Variants in PLEKHA6 observed in about 807,000 individuals in gnomAD.
PLEKHA6 encodes the protein pleckstrin homology domain containing A6.
A neutral mutation model predicts 116.7 loss-of-function variants in PLEKHA6; 60 were observed. The observed-to-expected ratio is 0.51, with a 90% CI of 0.42 to 0.64. The LOEUF (loss-of-function observed/expected upper bound fraction) is 0.64, where lower values mean the gene tolerates loss of function less well. Among genes scored for constraint, PLEKHA6 ranks in the 30% least tolerant of loss-of-function variants. The pLI is 0.00. For synonymous variants in PLEKHA6, 489 were observed against 556.1 expected, an observed-to-expected ratio of 0.88 and a Z score of 1.70; for missense variants, 1,338 against 1,422.7, an observed-to-expected ratio of 0.94 and a Z score of 0.96.
At chr1:204,240,447 C>A (rs555234581) in intron 17 of PLEKHA6, among the ~76,000 whole-genome samples, 98 of 152,342 alleles carry the variant, frequency 6.4e-4, no homozygotes, top group Middle Eastern at 3.4e-3. Flanking sequence ...ATGAGTATTT[C>A]CTCCTTCTTT....
At chr1:204,336,903 C>A (rs895483197) in intron 1 of PLEKHA6, among the ~76,000 whole-genome samples, 1 of 152,212 alleles carries the variant, frequency 6.6e-6, no homozygotes, top group Non-Finnish European at 1.5e-5. Context: ...TCCTCCAAGG[C>A]TCTGGCAGGG....
chr1:204,297,932 C>T lies in PLEKHA6; in HGVS notation c.-94-23123G>A, dbSNP rs185355464. ...CTTGATCTAGGACCCCTTTGCTGTC[C>T]TCCCCCTACTCCTCATATCTCTCCC... On this transcript the variant is annotated intron_variant, in intron 1 of 22. Transcript: ENST00000272203. 7.6e-5 allele frequency: 75 copies of T among 980,682 alleles called. No homozygotes were observed. In the African/African-American group the frequency reaches 1.3e-3, roughly 17 times the overall value. The allele number at this position is 980,682 out of a possible 1,614,324, so 60.7% of individuals were successfully genotyped here. A position where few individuals can be genotyped will look rare whatever the true frequency, so the allele number is the denominator to read the frequency against.
At chr1:204,276,784 C>T (rs1011080100) in intron 1 of PLEKHA6, among the ~76,000 whole-genome samples, 1 of 152,130 alleles carries the variant, frequency 6.6e-6, no homozygotes, top group Non-Finnish European at 1.5e-5. Context: ...CTACAAATGA[C>T]GTCCTCATTC....
chr1:204,344,962 CT>C (rs2103331647), intron 1 of PLEKHA6, among the ~76,000 whole-genome samples: 1 of 152,286 alleles, frequency 6.6e-6, no homozygotes, highest in Admixed American at 6.5e-5. Flanking sequence ...TATGTCACCC[CT>C]GCCCCAAGCA....
rs748511484 is a variant in PLEKHA6 at position 204,221,697 on chromosome 1, G to A, written c.*1091C>T. ...GCTGACCACACCCTACATAAGACAA[G>A]TCCTTCTCTCTGCCCCTTACCCCAG... is the stretch of plus-strand genomic sequence containing the variant. On this transcript the variant is annotated 3_prime_UTR_variant, in exon 23 of 23. Coordinates refer to ENST00000272203, the MANE Select transcript of PLEKHA6 (RefSeq NM_014935.5). 6.6e-6 allele frequency: 1 copy of A among 152,430 alleles called. No homozygotes were observed. The highest frequency in any genetic ancestry group is 2.4e-5 in the African/African-American group (1 of 41,448). The allele number at this position is 152,430 out of a possible 1,614,324, so 9.4% of individuals were successfully genotyped here. A position where few individuals can be genotyped will look rare whatever the true frequency, so the allele number is the denominator to read the frequency against.
Position 204,259,852 on chromosome 1 carries a change from T to C in PLEKHA6, c.525-112A>G. On this transcript the variant is annotated intron_variant, in intron 7 of 22. Transcript: ENST00000272203. This position sits in a 1 kb window ranked among gnomAD's most constrained non-coding sequence, Gnocchi z 4.6. ...GGGGAAGGATGGGCAGGGAGGTGGCTGGAACCAGGATTCTATGAACTCCAG... is the reference window on the plus strand; with the variant it reads ...GGGGAAGGATGGGCAGGGAGGTGGCCGGAACCAGGATTCTATGAACTCCAG... 8.7e-7 allele frequency: 1 copy of C among 1,154,526 alleles called. No homozygotes were observed. 71.5% of individuals were successfully genotyped at this position (1,154,526 alleles called of 1,614,324 possible).
In PLEKHA6 at chr1:204,261,930, A is replaced by G. The variant is rs1666170663; in HGVS notation, c.382-482T>C. 5.4e-6 allele frequency: 1 copy of G among 183,702 alleles called. No individual in the cohort carries two copies. The highest frequency in any genetic ancestry group is 1.1e-5 in the Non-Finnish European group (1 of 88,890). The allele number at this position is 183,702 out of a possible 1,614,324, so 11.4% of individuals were successfully genotyped here. A position where few individuals can be genotyped will look rare whatever the true frequency, so the allele number is the denominator to read the frequency against. On this transcript the variant is annotated intron_variant, in intron 6 of 22. Coordinates refer to ENST00000272203, the MANE Select transcript of PLEKHA6 (RefSeq NM_014935.5). This position sits in a 1 kb window ranked among gnomAD's most constrained non-coding sequence, Gnocchi z 4.0. ...GCCCCTCTCTGCAGGCATGCAAAGC[A>G]GGCACTGGCATACAGATGGGGCACA...
At chr1:204,360,555 C>T (rs1572231393), upstream of PLEKHA6, among the ~76,000 whole-genome samples, 1 of 152,154 alleles carries the variant, frequency 6.6e-6, no homozygotes, top group Non-Finnish European at 1.5e-5. Context: ...CTGTTCCTTC[C>T]GTTGCACATT....
At chr1:204,286,605 G>A (rs558235156) in intron 1 of PLEKHA6, among the ~76,000 whole-genome samples, 6 of 152,108 alleles carry the variant, frequency 3.9e-5, no homozygotes, top group African/African-American at 9.7e-5. Flanking sequence ...CACAATTTGC[G>A]GGCCCCTTGT....
chr1:204,257,526 G>A lies in PLEKHA6; in HGVS notation c.1351C>T (p.Pro451Ser). ...SSSLRRLSLQ[P>S]RSHSVPRSPS... is the part of the protein sequence containing the mutation. Reference sequence around the variant, plus strand: ...GAGCGGGGCACAGAGTGGGAGCGGGGCTGCAGGGACAGGCGGCGCAGGGAG... The same window carrying A: ...GAGCGGGGCACAGAGTGGGAGCGGGACTGCAGGGACAGGCGGCGCAGGGAG... Residue 451 changes from proline (P) to serine (S), a missense_variant, in exon 9 of 23, where the codon CCC becomes TCC. Pro to Ser is a moderately conservative substitution (Grantham distance 74, BLOSUM62 -1). Coordinates refer to ENST00000272203, the MANE Select transcript of PLEKHA6 (RefSeq NM_014935.5). The surrounding 1 kb of genome is among the most constrained non-coding windows in gnomAD (Gnocchi z 6.5). 3 of 1,593,850 alleles carry A rather than the reference G, an allele frequency of 1.9e-6. No homozygotes were observed. Among genetic ancestry groups the A allele is most frequent in the Non-Finnish European group, 1.7e-6 (2 of 1,168,826 alleles).
At position 204,257,009 on chromosome 1, in the gene PLEKHA6, T is replaced by C; in HGVS notation, c.1524+344A>G. ...TCCCAGAGCAGATCCCAAACTGAAA[T>C]GGACAGCAGCCCCCCTTGCAATGAT... On this transcript the variant is annotated intron_variant, in intron 9 of 22. Coordinates refer to ENST00000272203, the MANE Select transcript of PLEKHA6 (RefSeq NM_014935.5). The surrounding 1 kb of genome is among the most constrained non-coding windows in gnomAD (Gnocchi z 6.5). 1.7e-6 allele frequency: 1 copy of C among 578,074 alleles called. No individual in the cohort carries two copies. The highest frequency in any genetic ancestry group is 2.9e-5 in the East Asian group (1 of 34,730). 35.8% of individuals were successfully genotyped at this position (578,074 alleles called of 1,614,324 possible). A position where few individuals can be genotyped will look rare whatever the true frequency, so the allele number is the denominator to read the frequency against.
chr1:204,261,485 C>A lies in PLEKHA6; in HGVS notation c.382-37G>T. ...GGCAGCGTGTGGAGCTGGCCTCGGC[C>A]TCATCCACCCAGCACACAGTCACCT... is the stretch of plus-strand genomic sequence containing the variant. On this transcript the variant is annotated intron_variant, in intron 6 of 22. Transcript: ENST00000272203. The surrounding 1 kb of genome is among the most constrained non-coding windows in gnomAD (Gnocchi z 4.0). The A allele has an allele frequency of 6.4e-7, 1 of 1,571,974 alleles. No homozygotes were observed.
At chr1:204,239,166 G>A (rs1483580907) in intron 17 of PLEKHA6, among the ~76,000 whole-genome samples, 1 of 152,172 alleles carries the variant, frequency 6.6e-6, no homozygotes, top group Non-Finnish European at 1.5e-5. Flanking sequence ...CCATTCTGTG[G>A]ACACCACTCA....
chr1:204,233,089 C>T (rs1239112310), intron 17 of PLEKHA6, among the ~76,000 whole-genome samples: 1 of 152,062 alleles, frequency 6.6e-6, no homozygotes, highest in Non-Finnish European at 1.5e-5. Flanking sequence ...AGGTGTAAGC[C>T]ACCACCCCTG....
Position 204,287,739 on chromosome 1 carries a change from G to A in PLEKHA6, c.-94-12930C>T, listed in dbSNP as rs527379685. Among the ~76,000 whole-genome samples, 5 of 152,214 alleles carry A rather than the reference G, an allele frequency of 3.3e-5. No homozygotes were observed. The South Asian group carries it at 6.2e-4, about 19-fold the overall frequency. Reference sequence around the variant, plus strand: ...AAATCGGCCCACAAGAGAGGCCGACGCTGCTTCTGACCAGAGCTACCGAGC... The same window carrying A: ...AAATCGGCCCACAAGAGAGGCCGACACTGCTTCTGACCAGAGCTACCGAGC... On this transcript the variant is annotated intron_variant, in intron 1 of 22. Coordinates refer to ENST00000272203, the MANE Select transcript of PLEKHA6 (RefSeq NM_014935.5).
At chr1:204,322,323 T>C (rs2103229852) in intron 1 of PLEKHA6, among the ~76,000 whole-genome samples, 1 of 152,294 alleles carries the variant, frequency 6.6e-6, no homozygotes, top group African/African-American at 2.4e-5. Flanking sequence ...GAGGAAATGA[T>C]GATCTATTCA....
At chr1:204,311,551 T>C (rs938300852) in intron 1 of PLEKHA6, 1 of 921,240 alleles carries the variant, frequency 1.1e-6, no homozygotes, top group African/African-American at 1.8e-5. Context: ...ACTAAGCAGA[T>C]TAAGGCTTCT....
chr1:204,242,032 A>G (rs756664939), intron 15 of PLEKHA6, among the ~76,000 whole-genome samples: 4 of 152,214 alleles, frequency 2.6e-5, no homozygotes, highest in Non-Finnish European at 5.9e-5. Context: ...CATCTTGAGG[A>G]ATGATTGCTC....
In PLEKHA6 at chr1:204,279,279, G is replaced by C. The variant is rs1427522935; in HGVS notation, c.-94-4470C>G. ...CTGTAAAGATAGCACAAGGGAGTAG[G>C]AACGAAGGAAGGCTCAGGGGCTTCC... On this transcript the variant is annotated intron_variant, in intron 1 of 22. Transcript: ENST00000272203. Among the ~76,000 whole-genome samples the C allele has an allele frequency of 2.6e-5, 4 of 152,178 alleles. No individual in the cohort carries two copies. In the East Asian group the frequency reaches 5.8e-4, roughly 22 times the overall value.
Sources: gnomAD v4.1 joint callset for allele counts (sites outside exome capture counted in the v4.1 genomes callset) on GRCh38, gnomAD v4.1.1 for gene constraint, Gnocchi (gnomAD v3.1) non-coding constraint, MANE v1.5 for transcripts, NCBI Gene and HGNC (gene_info 2026-07-23, HGNC 2026-07-21) for gene names.